The following ITGA3 variants were observed in gnomAD, a reference collection of about 807,000 sequenced individuals.
The protein encoded by ITGA3 is integrin alpha-3.
A neutral mutation model predicts 131.1 loss-of-function variants in ITGA3; 70 were observed. The ratio of observed to expected loss-of-function variants is 0.53; its 90% CI spans 0.44 to 0.65. The LOEUF (loss-of-function observed/expected upper bound fraction) is 0.65, where lower values mean the gene tolerates loss of function less well. Ranked by LOEUF, ITGA3 falls within the 30% of genes least tolerant of loss-of-function variation. The pLI, the probability that ITGA3 is intolerant of heterozygous loss-of-function variation, is 0.00. For missense variants in ITGA3, 1,098 were observed against 1,388.6 expected (o/e 0.79, Z 3.33); for synonymous variants, 537 against 571.6 (o/e 0.94, Z 0.86).
intron 23 of ITGA3, among the ~76,000 whole-genome samples, chr17:50,085,925 T>A (rs536378363): frequency 9.4e-6 from 1 of 106,074 alleles, no homozygotes; most frequent in East Asian, 3.3e-4. Context: ...TAATATATAT[T>A]AGATTATACA....
At chr17:50,058,879 C>G in intron 1 of ITGA3, among the ~76,000 whole-genome samples, 1 of 152,196 alleles carries the variant, frequency 6.6e-6, no homozygotes, top group South Asian at 2.1e-4. Context: ...GGTTCGTGGT[C>G]TTGGACAGGC....
At chr17:50,075,846 G>T in intron 12 of ITGA3, 111 bp downstream of exon 12, 1 of 1,136,812 alleles carries the variant, frequency 8.8e-7, no homozygotes, top group Non-Finnish European at 1.3e-6. Flanking sequence ...GACAGAGGTT[G>T]GGGACATCGG....
Position 50,076,971 on chromosome 17 carries a change from C to G in ITGA3, c.1923-3C>G, listed in dbSNP as rs370554256. 1 of 1,602,510 alleles carries G rather than the reference C, an allele frequency of 6.2e-7. No homozygotes were observed. The highest frequency in any genetic ancestry group is 8.5e-7 in the Non-Finnish European group (1 of 1,171,992). On this transcript the variant is annotated splice_polypyrimidine_tract_variant and splice_region_variant and intron_variant, in intron 14 of 25. Transcript: ENST00000320031. ...TGGCTGAGTCCTGGGCTCCTGCTCT[C>G]AGGCTCCAGTACAGCAGAGACGTCC... is the stretch of plus-strand genomic sequence containing the variant.
chr17:50,066,594 G>A (rs1435762145), intron 3 of ITGA3, among the ~76,000 whole-genome samples: 1 of 152,038 alleles, frequency 6.6e-6, no homozygotes. Context: ...GGGCAACACG[G>A]CAAAATTCCA....
Position 50,090,001 on chromosome 17 carries a change from C to A in ITGA3, c.*923C>A. Reference sequence around the variant, plus strand: ...CTGGGCTCACTGTGCTGGGGCACGGCGGGATCCTCCACAGAGAGGAGGGGA... The same window carrying A: ...CTGGGCTCACTGTGCTGGGGCACGGAGGGATCCTCCACAGAGAGGAGGGGA... On this transcript the variant is annotated 3_prime_UTR_variant, in exon 26 of 26. Coordinates refer to ENST00000320031, the MANE Select transcript of ITGA3 (RefSeq NM_002204.4). 4.0e-6 allele frequency: 1 copy of A among 252,848 alleles called. No homozygotes were observed. The highest frequency in any genetic ancestry group is 2.2e-5 in the African/African-American group (1 of 44,472). 15.7% of individuals were successfully genotyped at this position (252,848 alleles called of 1,614,324 possible).
intron 9 of ITGA3, 27 bp from the exon 10 acceptor site, chr17:50,074,421 A>G (rs1381610749): frequency 6.2e-7 from 1 of 1,610,610 alleles, no homozygotes; most frequent in South Asian, 1.1e-5. Context: ...AGGCACTGAT[A>G]TCTGTCTGGC....
rs1430653472 is a variant in ITGA3, at chr17:50,056,664, T to C, written c.206+19T>C. Reference sequence around the variant, plus strand: ...GCTACCTGTAAGTGAAGCTGGAGGGTGTGGGGTGGGAGCGAGAGAGTGTGC... The same window carrying C: ...GCTACCTGTAAGTGAAGCTGGAGGGCGTGGGGTGGGAGCGAGAGAGTGTGC... On this transcript the variant is annotated intron_variant, in intron 1 of 25. Transcript: ENST00000320031. The surrounding 1 kb of genome is among the most constrained non-coding windows in gnomAD (Gnocchi z 5.6). The C allele has an allele frequency of 1.3e-6, 2 of 1,588,268 alleles. No individual in the cohort carries two copies. The highest frequency in any genetic ancestry group is 1.8e-5 in the Admixed American group (1 of 57,028).
At chr17:50,070,958 G>A (rs1402599139) in intron 5 of ITGA3, 28 bp downstream of exon 5, 2 of 1,381,078 alleles carry the variant, frequency 1.4e-6, no homozygotes, top group Non-Finnish European at 2.1e-6. Flanking sequence ...AGCCCATCAA[G>A]TGGTAGAGGG....
intron 22 of ITGA3, 44 bp from the exon 23 acceptor site, chr17:50,081,266 G>A: frequency 2.4e-6 from 3 of 1,274,048 alleles, no homozygotes; most frequent in Middle Eastern, 1.9e-4. Flanking sequence ...TAGGCTCAGA[G>A]AAGTGTCAAG....
rs112007309 is a variant in ITGA3 at position 50,082,786 on chromosome 17, T to C, written c.2919+1378T>C. 2.0e-5 allele frequency among the ~76,000 whole-genome samples: 3 copies of C among 152,142 alleles called. No homozygotes were observed. In the East Asian group the frequency reaches 5.8e-4, roughly 29 times the overall value. On this transcript the variant is annotated intron_variant, in intron 23 of 25. Coordinates refer to ENST00000320031, the MANE Select transcript of ITGA3 (RefSeq NM_002204.4). The stretch of plus-strand genomic sequence containing the variant: ...GTGATAGAGCATCTGGGAATAAATA[T>C]AACAAATATGCAGCAAAAACTTGAG...
At position 50,064,457 on chromosome 17, in the gene ITGA3, G is replaced by A; in HGVS notation, c.335-71G>A. 6.8e-7 allele frequency: 1 copy of A among 1,462,460 alleles called. No homozygotes were observed. The allele number at this position is 1,462,460 out of a possible 1,614,324, so 90.6% of individuals were successfully genotyped here. A position where few individuals can be genotyped will look rare whatever the true frequency, so the allele number is the denominator to read the frequency against. On this transcript the variant is annotated intron_variant, in intron 2 of 25. Transcript: ENST00000320031. This position sits in a 1 kb window ranked among gnomAD's most constrained non-coding sequence, Gnocchi z 4.4. The stretch of plus-strand genomic sequence containing the variant: ...GAGGGCCCAAGCGGGACCCACTCCT[G>A]CCCTCTGGAGACTTTGGGCACTGAA...
At chr17:50,088,719 G>A (rs138235186) in intron 25 of ITGA3, among the ~76,000 whole-genome samples, 320 of 152,274 alleles carry the variant, frequency 2.1e-3, no homozygotes, top group African/African-American at 7.4e-3. Context: ...CACCCCTAGG[G>A]AAGGAGGGGA....
Position 50,058,505 on chromosome 17 carries a change from C to T in ITGA3, c.206+1860C>T, listed in dbSNP as rs527394685. Among the ~76,000 whole-genome samples the T allele has an allele frequency of 6.2e-4, 94 of 152,352 alleles. 1 individual carries two copies. Among genetic ancestry groups the T allele is most frequent in the African/African-American group, 2.3e-3 (94 of 41,574 alleles). On this transcript the variant is annotated intron_variant, in intron 1 of 25. Transcript: ENST00000320031. The stretch of plus-strand genomic sequence containing the variant: ...CCAGAACCTGGATGCATCCTCATTA[C>T]CCATGGGCCCCGCCCAGGGTGGCTG...
chr17:50,090,308 T>C lies in ITGA3; in HGVS notation c.*1230T>C. The C allele has an allele frequency of 2.2e-6, 1 of 453,346 alleles. No homozygotes were observed. The highest frequency in any genetic ancestry group is 4.5e-6 in the Non-Finnish European group (1 of 224,390). The allele number at this position is 453,346 out of a possible 1,614,324, so 28.1% of individuals were successfully genotyped here. On this transcript the variant is annotated 3_prime_UTR_variant, in exon 26 of 26. Transcript: ENST00000320031. ...CATGGGCTGTGTCCTAAGGCCCATT[T>C]GAGAAGCTGAGGCTAGTTCCAGAAA...
At chr17:50,068,327 G>A (rs1177380105) in intron 4 of ITGA3, 22 bp downstream of exon 4, 8 of 1,609,186 alleles carry the variant, frequency 5.0e-6, no homozygotes, top group South Asian at 4.4e-5. Context: ...GGGGCCATGG[G>A]GGAAGAAAGG....
Position 50,068,052 on chromosome 17 carries a change from C to T in ITGA3, c.415-4C>T, listed in dbSNP as rs1279174837. 1 of 1,613,864 alleles carries T rather than the reference C, an allele frequency of 6.2e-7. No individual in the cohort carries two copies. The highest frequency in any genetic ancestry group is 1.3e-5 in the African/African-American group (1 of 75,038). ...AAGGCTGCCTGTGTTTGGGGGGTCC[C>T]CAGGTCTGTGCCCACCGCTACACCC... On this transcript the variant is annotated splice_region_variant and splice_polypyrimidine_tract_variant and intron_variant, in intron 3 of 25. Coordinates refer to ENST00000320031, the MANE Select transcript of ITGA3 (RefSeq NM_002204.4).
Position 50,071,430 on chromosome 17 carries a change from G to T in ITGA3, c.871G>T (p.Asp291Tyr). 1.2e-6 allele frequency: 2 copies of T among 1,614,094 alleles called. No individual in the cohort carries two copies. Among genetic ancestry groups the T allele is most frequent in the Non-Finnish European group, 1.7e-6 (2 of 1,180,036 alleles). The change falls in exon 6 of 26, where the codon GAC (aspartate) becomes TAC (tyrosine). Residue 291 changes from aspartate to tyrosine, a missense_variant. Asp to Tyr is a radical substitution (Grantham distance 160). This residue lies in a region of ITGA3 where 356 missense variants were observed against 529.2 expected (regional missense o/e 0.67). Coordinates refer to ENST00000320031, the MANE Select transcript of ITGA3 (RefSeq NM_002204.4). ...CTTGCTGAGCCAGGAGGCAGGCGGA[G>T]ACCTGCGGAGGAGGCAGGTGCTGGA... ...VFLLSQEAGG[D>Y]LRRRQVLEGS...
Position 50,064,004 on chromosome 17 carries a change from GAATA to G in ITGA3, c.207-67_207-64del. Reference sequence around the variant, plus strand: ...CACCAAGAATCTGTAAATGTATGTTGAATAAATAACAAGTTGTTCCAAGTGGGGC... The same window carrying G: ...CACCAAGAATCTGTAAATGTATGTTGAATAACAAGTTGTTCCAAGTGGGGC... On this transcript the variant is annotated intron_variant, in intron 1 of 25. Coordinates refer to ENST00000320031, the MANE Select transcript of ITGA3 (RefSeq NM_002204.4). The surrounding 1 kb of genome is among the most constrained non-coding windows in gnomAD (Gnocchi z 4.4). The G allele has an allele frequency of 6.4e-7, 1 of 1,563,378 alleles. No individual in the cohort carries two copies. Among genetic ancestry groups the G allele is most frequent in the Non-Finnish European group, 8.7e-7 (1 of 1,153,408 alleles).
Position 50,077,411 on chromosome 17 carries a change from T to C in ITGA3, c.2103T>C (p.Phe701=). The C allele has an allele frequency of 1.2e-6, 2 of 1,614,068 alleles. No homozygotes were observed. The highest frequency in any genetic ancestry group is 1.1e-5 in the South Asian group (1 of 91,076). The change falls in exon 16 of 26, where the codon TTT becomes TTC. Residue 701 remains phenylalanine (F), a synonymous_variant. Coordinates refer to ENST00000320031, the MANE Select transcript of ITGA3 (RefSeq NM_002204.4). Reference sequence around the variant, plus strand: ...CCTGCCAAGCTAATGAGACCATCTTTTGCGAGCTGGGGAACCCCTTCAAAC... The same window carrying C: ...CCTGCCAAGCTAATGAGACCATCTTCTGCGAGCTGGGGAACCCCTTCAAAC... ...PGACQANETI[F]CELGNPFKRN...
Sources: allele counts gnomAD v4.1 joint callset (sites outside exome capture counted in the v4.1 genomes callset), GRCh38; gene constraint gnomAD v4.1.1; regional missense constraint gnomAD v4.1.1; non-coding constraint Gnocchi (gnomAD v3.1); transcripts MANE v1.5; gene names NCBI Gene and HGNC (gene_info 2026-07-23, HGNC 2026-07-21).